The following TAF4 variants were observed in gnomAD, a reference collection of about 807,000 sequenced individuals.
The protein encoded by TAF4 is TATA-box binding protein associated factor 4.
TAF4 carries 9 observed loss-of-function variants against 90.3 expected under a neutral mutation model. The ratio of observed to expected loss-of-function variants is 0.10; its 90% CI spans 0.06 to 0.17. The LOEUF (loss-of-function observed/expected upper bound fraction) is 0.17, where lower values mean the gene tolerates loss of function less well. TAF4 is among the 10% of genes least tolerant of loss of function. The pLI, the probability that TAF4 is intolerant of heterozygous loss-of-function variation, is 1.00. For missense variants in TAF4, 1,351 were observed against 1,370.7 expected, an observed-to-expected ratio of 0.99 and a Z score of 0.23; for synonymous variants, 818 against 638.9, an observed-to-expected ratio of 1.28 and a Z score of -4.23.
chr20:61,996,579 T>C (rs905962467), intron 14 of TAF4, among the ~76,000 whole-genome samples: 1 of 151,598 alleles, frequency 6.6e-6, no homozygotes, highest in African/African-American at 2.4e-5. Flanking sequence ...GGTGGGCAGA[T>C]CATGAGATCA....
intron 1 of TAF4, among the ~76,000 whole-genome samples, chr20:62,022,788 G>A (rs1473211465): frequency 3.3e-5 from 5 of 152,158 alleles, no homozygotes; most frequent in Admixed American, 1.3e-4. Flanking sequence ...CGGCGCAGGC[G>A]CTACCACCAC....
chr20:62,006,579 C>A lies in TAF4; in HGVS notation c.2154G>T (p.Gln718His), dbSNP rs748445255. ...KTAATVTSAL[Q>H]PPVLSLTQPT... The stretch of plus-strand genomic sequence containing the variant: ...GCTGCGTGAGGCTGAGCACAGGGGG[C>A]TGGAGGGCACTGGTCACGGTGGCCG... The change falls in exon 7 of 15, where the codon CAG becomes CAT. Residue 718 changes from glutamine to histidine, a missense_variant. Gln to His is a conservative substitution (Grantham distance 24). Coordinates refer to ENST00000252996, the MANE Select transcript of TAF4 (RefSeq NM_003185.4). This position sits in a 1 kb window ranked among gnomAD's most constrained non-coding sequence, Gnocchi z 7.0. 1.3e-6 allele frequency: 2 copies of A among 1,595,134 alleles called. No individual in the cohort carries two copies. The highest frequency in any genetic ancestry group is 2.7e-5 in the African/African-American group (2 of 74,060).
At chr20:61,981,150 G>A (rs1177877899) in intron 14 of TAF4, 2 of 152,228 alleles carry the variant, frequency 1.3e-5, no homozygotes, top group East Asian at 3.8e-4. Context: ...CTCAAGACCT[G>A]GACTTCCCCA....
Position 62,064,545 on chromosome 20 carries a change from C to A in TAF4, c.1266G>T (p.Gly422=), listed in dbSNP as rs765011962. 6.6e-7 allele frequency: 1 copy of A among 1,524,928 alleles called. No homozygotes were observed. Among genetic ancestry groups the A allele is most frequent in the South Asian group, 1.2e-5 (1 of 81,626 alleles). The allele number at this position is 1,524,928 out of a possible 1,614,324, so 94.5% of individuals were successfully genotyped here. The change falls in exon 1 of 15, where the codon GGG becomes GGT. Residue 422 remains glycine, a synonymous_variant. Coordinates refer to ENST00000252996, the MANE Select transcript of TAF4 (RefSeq NM_003185.4). ...LSRTPTATTS[G]IRATLTPTVL... ...CGGTGGGCGTCAGGGTGGCCCGAAT[C>A]CCGCTGGTGGTGGCCGTGGGCGTCC...
chr20:62,000,929 G>C (rs2055696654), intron 9 of TAF4, among the ~76,000 whole-genome samples: 1 of 152,194 alleles, frequency 6.6e-6, no homozygotes, highest in African/African-American at 2.4e-5. Context: ...TCTGCGGAAG[G>C]AGAGCTGTGA....
intron 1 of TAF4, among the ~76,000 whole-genome samples, chr20:62,062,527 G>A (rs796425624): frequency 1.3e-5 from 2 of 152,040 alleles, no homozygotes; most frequent in African/African-American, 2.4e-5. Flanking sequence ...AGTAGCATTC[G>A]GCTCCTTGAA....
intron 1 of TAF4, among the ~76,000 whole-genome samples, chr20:62,048,639 T>C (rs1040140599): frequency 2.0e-5 from 3 of 146,788 alleles, no homozygotes; most frequent in African/African-American, 7.6e-5. Context: ...GCCCTCTCCC[T>C]GTATGCCCAC....
chr20:62,060,113 G>T (rs893830150), intron 1 of TAF4, among the ~76,000 whole-genome samples: 2 of 152,238 alleles, frequency 1.3e-5, no homozygotes, highest in Non-Finnish European at 2.9e-5. Flanking sequence ...TGTCTAAGGG[G>T]CAACTTCCAC....
intron 14 of TAF4, among the ~76,000 whole-genome samples, chr20:61,982,104 A>C (rs2055547682): frequency 1.9e-5 from 2 of 104,814 alleles, no homozygotes; most frequent in African/African-American, 7.7e-5. Context: ...CACACAACAC[A>C]CACCCACCGG....
chr20:62,008,994 T>G, intron 5 of TAF4, 58 bp downstream of exon 5: 1 of 1,577,900 alleles, frequency 6.3e-7, no homozygotes, highest in East Asian at 2.3e-5. Context: ...CAGCAACAGG[T>G]GTCTGTCCTA....
intron 1 of TAF4, among the ~76,000 whole-genome samples, chr20:62,034,201 T>C (rs970620319): frequency 2.0e-5 from 3 of 152,324 alleles, no homozygotes; most frequent in Non-Finnish European, 4.4e-5. Context: ...TAATAAATTC[T>C]CTAGGTGCGA....
chr20:62,017,208 GCA>G (rs1179709307), intron 1 of TAF4, among the ~76,000 whole-genome samples: 9 of 152,072 alleles, frequency 5.9e-5, no homozygotes, highest in Non-Finnish European at 1.3e-4. Context: ...AGACTTAAGT[GCA>G]CACATGGGAA....
chr20:62,022,582 A>T (rs930268056), intron 1 of TAF4, among the ~76,000 whole-genome samples: 2 of 152,170 alleles, frequency 1.3e-5, no homozygotes, highest in African/African-American at 4.8e-5. Flanking sequence ...CAGATGTGGA[A>T]AGGGCCCCTC....
At chr20:62,063,469 G>A (rs1053724565) in intron 1 of TAF4, among the ~76,000 whole-genome samples, 3 of 152,166 alleles carry the variant, frequency 2.0e-5, no homozygotes, top group African/African-American at 7.2e-5. Flanking sequence ...GGGAGCCCCA[G>A]ACAAAAGCAG....
At chr20:62,042,086 C>A (rs559736434) in intron 1 of TAF4, among the ~76,000 whole-genome samples, 1 of 152,116 alleles carries the variant, frequency 6.6e-6, no homozygotes, top group African/African-American at 2.4e-5. Context: ...TTCCTGTTTC[C>A]GCGCCCAAAT....
At chr20:62,055,628 T>C (rs1232361867) in intron 1 of TAF4, among the ~76,000 whole-genome samples, 1 of 151,244 alleles carries the variant, frequency 6.6e-6, no homozygotes, top group Non-Finnish European at 1.5e-5. Flanking sequence ...AGGGCAGCCC[T>C]ACAATCTACA....
At chr20:62,000,893 G>C (rs1007545838) in intron 9 of TAF4, among the ~76,000 whole-genome samples, 172 bp from the exon 10 acceptor site, 1 of 152,202 alleles carries the variant, frequency 6.6e-6, no homozygotes, top group Non-Finnish European at 1.5e-5. Flanking sequence ...AGGGTGCCTC[G>C]CTGCTTTCCT....
intron 1 of TAF4, among the ~76,000 whole-genome samples, chr20:62,050,839 C>T (rs569944373): frequency 6.6e-6 from 1 of 151,994 alleles, no homozygotes; most frequent in African/African-American, 2.4e-5. Flanking sequence ...CACACCTGGC[C>T]CCCCAGAACA....
chr20:62,061,533 G>A (rs780451192), intron 1 of TAF4, among the ~76,000 whole-genome samples: 6 of 152,206 alleles, frequency 3.9e-5, no homozygotes, highest in Non-Finnish European at 7.3e-5. Flanking sequence ...GAATTTGCCA[G>A]GCCAAAAGAT....
Sources: gnomAD v4.1 joint callset for allele counts (sites outside exome capture counted in the v4.1 genomes callset) on GRCh38, gnomAD v4.1.1 for gene constraint, Gnocchi (gnomAD v3.1) non-coding constraint, MANE v1.5 for transcripts, NCBI Gene and HGNC (gene_info 2026-07-23, HGNC 2026-07-21) for gene names.